Variants in GPC3 observed in about 807,000 individuals in gnomAD.
GPC3 encodes the protein glypican-3.
A neutral mutation model predicts 34.4 loss-of-function variants in GPC3; 3 were observed. The observed-to-expected ratio is 0.09, with a 90% CI of 0.04 to 0.23. GPC3 has a LOEUF of 0.23. Ranked by LOEUF, GPC3 falls within the 10% of genes least tolerant of loss-of-function variation. The pLI is 1.00. For missense variants in GPC3, 351 were observed against 445.6 expected, an observed-to-expected ratio of 0.79 and a Z score of 1.91; for synonymous variants, 177 against 174.0, an observed-to-expected ratio of 1.02 and a Z score of -0.13.
intron 3 of GPC3, among the ~76,000 whole-genome samples, chrX:133,737,755 G>C (rs1017988994): frequency 9.0e-6 from 1 of 111,332 alleles, no homozygotes; most frequent in Non-Finnish European, 1.9e-5. Flanking sequence ...GGGATGAAGA[G>C]AGAATAGTAG....
chrX:133,734,736 C>G (rs2071494448), intron 3 of GPC3, among the ~76,000 whole-genome samples: 1 of 111,623 alleles, frequency 9.0e-6, no homozygotes, highest in Non-Finnish European at 1.9e-5. Flanking sequence ...CTCTCTCTCT[C>G]TCACTCACTT....
chrX:133,621,076 G>C (rs1249013396), intron 6 of GPC3, among the ~76,000 whole-genome samples: 1 of 110,525 alleles, frequency 9.0e-6, no homozygotes, highest in East Asian at 2.8e-4. Flanking sequence ...TACAGGGTTT[G>C]ACTCTTTTCC....
chrX:133,620,975 C>T (rs1462691612), intron 6 of GPC3, among the ~76,000 whole-genome samples: 1 of 111,280 alleles, frequency 9.0e-6, no homozygotes, highest in Non-Finnish European at 1.9e-5. Flanking sequence ...GCCCAACCAC[C>T]TTGGGTACAC....
At chrX:133,796,789 A>G (rs2075584065) in intron 2 of GPC3, among the ~76,000 whole-genome samples, 1 of 111,542 alleles carries the variant, frequency 9.0e-6, no homozygotes, top group African/African-American at 3.3e-5. Flanking sequence ...TTGCCTTTAC[A>G]GTTAAACTAA....
chrX:133,720,327 T>G (rs755485134), intron 3 of GPC3, among the ~76,000 whole-genome samples: 1 of 112,520 alleles, frequency 8.9e-6, no homozygotes, highest in South Asian at 3.7e-4. Context: ...TTATCTTGAA[T>G]TCCCACATGT....
rs768405028 is a variant in GPC3 at position 133,704,237 on chromosome X, T to A, written c.1033-4209A>T. Reference sequence around the variant, plus strand: ...TCTAGCCCTATACACAGGAAGAAGATAGGATATTTGAAGTGCCATATTTTC... The same window carrying A: ...TCTAGCCCTATACACAGGAAGAAGAAAGGATATTTGAAGTGCCATATTTTC... On this transcript the variant is annotated intron_variant, in intron 3 of 7. Transcript: ENST00000370818. 8 of 1,104,702 alleles carry A rather than the reference T, an allele frequency of 7.2e-6. No homozygotes were observed. The East Asian group carries it at 2.7e-4, about 37-fold the overall frequency. 91.0% of individuals were successfully genotyped at this position (1,104,702 alleles called of 1,213,427 possible). A position where few individuals can be genotyped will look rare whatever the true frequency, so the allele number is the denominator to read the frequency against.
At chrX:133,731,739 A>G (rs1371806840) in intron 3 of GPC3, among the ~76,000 whole-genome samples, 2 of 112,538 alleles carry the variant, frequency 1.8e-5, no homozygotes, top group African/African-American at 6.5e-5. Flanking sequence ...ACTACACCCA[A>G]CCAACTAAAT....
At chrX:133,545,704 C>A (rs2069378112) in intron 7 of GPC3, among the ~76,000 whole-genome samples, 1 of 111,324 alleles carries the variant, frequency 9.0e-6, no homozygotes, top group Admixed American at 9.6e-5. Context: ...CTCTAGAATT[C>A]CAAAGCAAAA....
intron 2 of GPC3, among the ~76,000 whole-genome samples, chrX:133,788,413 A>G (rs963140320): frequency 1.8e-5 from 2 of 109,037 alleles, no homozygotes; most frequent in Admixed American, 9.8e-5. Context: ...GAATTCTCCA[A>G]TGATCTATGA....
intron 7 of GPC3, among the ~76,000 whole-genome samples, chrX:133,564,606 C>T (rs987124089): frequency 9.8e-5 from 11 of 111,731 alleles, no homozygotes; most frequent in Non-Finnish European, 1.3e-4. Context: ...TTTGGCTCTA[C>T]TGCATACCAA....
At chrX:133,967,785 T>C (rs1258830533) in intron 1 of GPC3, among the ~76,000 whole-genome samples, 1 of 111,552 alleles carries the variant, frequency 9.0e-6, no homozygotes, top group East Asian at 2.8e-4. Context: ...CACAGCACCC[T>C]GCCCAGCTAA....
chrX:133,645,169 G>A (rs748959793), intron 6 of GPC3, among the ~76,000 whole-genome samples: 1 of 111,489 alleles, frequency 9.0e-6, no homozygotes, highest in Non-Finnish European at 1.9e-5. Context: ...CCCCCACACA[G>A]ACAGGGCCCC....
At chrX:133,631,127 T>C (rs1311654767) in intron 6 of GPC3, among the ~76,000 whole-genome samples, 1 of 112,048 alleles carries the variant, frequency 8.9e-6, no homozygotes, top group Non-Finnish European at 1.9e-5. Context: ...CACAAAAATA[T>C]ACCATATTAA....
At chrX:133,952,381 T>TCACCAC (rs1433730917) in intron 2 of GPC3, among the ~76,000 whole-genome samples, 1 of 111,985 alleles carries the variant, frequency 8.9e-6, no homozygotes, top group Non-Finnish European at 1.9e-5. Context: ...TCTGCTATCA[T>TCACCAC]CACCACCACC....
In GPC3 at chrX:133,941,449, C is replaced by T. The variant is rs2076344809; in HGVS notation, c.337+11601G>A. 3.6e-5 allele frequency among the ~76,000 whole-genome samples: 4 copies of T among 112,622 alleles called. No homozygotes were observed. In the Admixed American group the frequency reaches 3.8e-4, roughly 11 times the overall value. ...CTGATATAGTACAGACTGATAAGTG[C>T]CAAGGGACAAGTGAATAACAACTAC... On this transcript the variant is annotated intron_variant, in intron 2 of 7. Transcript: ENST00000370818.
chrX:133,824,492 A>G (rs1397586853), intron 2 of GPC3, among the ~76,000 whole-genome samples: 1 of 111,403 alleles, frequency 9.0e-6, no homozygotes, highest in African/African-American at 3.3e-5. Flanking sequence ...AGTTATAATT[A>G]CATAGGAGGA....
At chrX:133,951,212 C>T (rs1167484495) in intron 2 of GPC3, among the ~76,000 whole-genome samples, 2 of 110,231 alleles carry the variant, frequency 1.8e-5, no homozygotes, top group Admixed American at 2.0e-4. Context: ...GCAGGCTTAT[C>T]TGGAAGCTAA....
At chrX:133,538,886 A>ATT (rs35105127) in intron 7 of GPC3, among the ~76,000 whole-genome samples, 5 of 83,693 alleles carry the variant, frequency 6.0e-5, no homozygotes, top group African/African-American at 9.1e-5. Flanking sequence ...TATTATTTGT[A>ATT]TTTTTTTTTT....
intron 3 of GPC3, among the ~76,000 whole-genome samples, chrX:133,719,535 G>A (rs998277550): frequency 8.1e-5 from 9 of 111,229 alleles, no homozygotes; most frequent in Admixed American, 6.7e-4. Context: ...ACTAGATGAC[G>A]AGTTAGTGGG....
Sources: allele counts gnomAD v4.1 joint callset (sites outside exome capture counted in the v4.1 genomes callset), GRCh38; gene constraint gnomAD v4.1.1; transcripts MANE v1.5; gene names NCBI Gene and HGNC (gene_info 2026-07-23, HGNC 2026-07-21).